MGA: variants seen among roughly 807,000 people sequenced by gnomAD.
MGA encodes the protein MAX dimerization protein MGA, also known as MAX gene-associated protein.
Under a neutral mutation model 261.1 loss-of-function variants are expected in MGA, and 40 were observed. That is an observed-to-expected ratio of 0.15 (90% CI 0.12 to 0.20). The LOEUF is 0.20. MGA is among the 10% of genes least tolerant of loss of function. MGA has a pLI of 1.00. For synonymous variants in MGA, 1,302 were observed against 1,290.6 expected, an observed-to-expected ratio of 1.01 and a Z score of -0.19; for missense variants, 3,397 against 3,630.5, an observed-to-expected ratio of 0.94 and a Z score of 1.65.
chr15:41,624,985 A>G (rs1325534681), intron 1 of MGA, among the ~76,000 whole-genome samples: 1 of 152,050 alleles, frequency 6.6e-6, no homozygotes, highest in Non-Finnish European at 1.5e-5. Context: ...GTACAAAAAA[A>G]TTTCAGAATT....
chr15:41,762,914 G>C (rs1478736923), intron 22 of MGA, among the ~76,000 whole-genome samples: 2 of 152,050 alleles, frequency 1.3e-5, no homozygotes, highest in Non-Finnish European at 2.9e-5. Context: ...TTAGTCTATA[G>C]TCATGTATTT....
chr15:41,672,071 T>C (rs2058091843), intron 2 of MGA, among the ~76,000 whole-genome samples: 1 of 152,258 alleles, frequency 6.6e-6, no homozygotes, highest in Non-Finnish European at 1.5e-5. Flanking sequence ...AACAGTTTAT[T>C]GTACCGTTGG....
At chr15:41,733,909 A>G (rs892012406) in intron 11 of MGA, among the ~76,000 whole-genome samples, 1 of 96,614 alleles carries the variant, frequency 1.0e-5, no homozygotes, top group East Asian at 3.6e-4. Context: ...ACATTGGCAA[A>G]TTTTGTTTCT....
rs768844364 is a variant in MGA, at chr15:41,750,364, T to G, written c.6757T>G (p.Phe2253Val). The G allele has an allele frequency of 6.2e-7, 1 of 1,613,982 alleles. No individual in the cohort carries two copies. The highest frequency in any genetic ancestry group is 1.3e-5 in the African/African-American group (1 of 75,056). ...GAGTAGGATTTCTAATCCTTCAGCC[T>G]TCTCCATTGTTCCTAGGAGAGCTGC... Residue 2253 changes from phenylalanine (F) to valine (V), a missense_variant, in exon 17 of 24, where the codon TTC (phenylalanine) becomes GTC (valine). This residue lies in a region of MGA where 1,410 missense variants were observed against 1,386.4 expected (regional missense o/e 1.02). Transcript: ENST00000219905.
In MGA at chr15:41,669,325, C is replaced by T; in HGVS notation, c.431C>T (p.Pro144Leu). Residue 144 changes from proline (P) to leucine (L), a missense_variant, in exon 2 of 24, where the codon CCT becomes CTT. Physicochemically the swap from Pro to Leu is moderately conservative, Grantham distance 98. Transcript: ENST00000219905. Reference sequence around the variant, plus strand: ...AAGTGGAATGGTCGTTGGTGGGAACCTAGTGGGAAGGCTGAACCTCATGTT... The same window carrying T: ...AAGTGGAATGGTCGTTGGTGGGAACTTAGTGGGAAGGCTGAACCTCATGTT... 1 of 1,613,932 alleles carries T rather than the reference C, an allele frequency of 6.2e-7. No homozygotes were observed. The highest frequency in any genetic ancestry group is 1.1e-5 in the South Asian group (1 of 91,078).
chr15:41,666,060 A>ATTTT (rs11428325), intron 1 of MGA, among the ~76,000 whole-genome samples: 2 of 138,836 alleles, frequency 1.4e-5, no homozygotes, highest in Admixed American at 7.2e-5. Context: ...CATACCTGCT[A>ATTTT]TTTTTTTTTT....
At chr15:41,644,294 A>G (rs2038453089) in intron 1 of MGA, among the ~76,000 whole-genome samples, 1 of 139,088 alleles carries the variant, frequency 7.2e-6, no homozygotes, top group African/African-American at 2.7e-5. Context: ...GGATTGCTTG[A>G]GGTCAGTAGT....
chr15:41,759,007 G>T (rs2063300470), intron 19 of MGA, among the ~76,000 whole-genome samples: 1 of 152,170 alleles, frequency 6.6e-6, no homozygotes, highest in Non-Finnish European at 1.5e-5. Flanking sequence ...TCTTGAAAAT[G>T]TGAGAATACA....
Position 41,708,219 on chromosome 15 carries a change from T to C in MGA, c.2425+11T>C. On this transcript the variant is annotated intron_variant, in intron 7 of 23. Coordinates refer to ENST00000219905, the MANE Select transcript of MGA (RefSeq NM_001164273.2). Reference sequence around the variant, plus strand: ...CATCTAGGAATGAAGGTAATTAGTTTTTTAAAATTTTTTAAATGTTCTGAA... The same window carrying C: ...CATCTAGGAATGAAGGTAATTAGTTCTTTAAAATTTTTTAAATGTTCTGAA... 5 of 1,492,620 alleles carry C rather than the reference T, an allele frequency of 3.3e-6. No homozygotes were observed. The highest frequency in any genetic ancestry group is 4.5e-6 in the Non-Finnish European group (5 of 1,100,682). 92.5% of individuals were successfully genotyped at this position (1,492,620 alleles called of 1,614,324 possible). A position where few individuals can be genotyped will look rare whatever the true frequency, so the allele number is the denominator to read the frequency against.
chr15:41,763,411 A>G (rs1003382478), intron 22 of MGA, among the ~76,000 whole-genome samples: 1 of 150,880 alleles, frequency 6.6e-6, no homozygotes, highest in African/African-American at 2.4e-5. Context: ...ATCAGGCTCT[A>G]TTTTTCATCA....
Position 41,700,069 on chromosome 15 carries a change from C to T in MGA, c.2188+910C>T, listed in dbSNP as rs563749182. Among the ~76,000 whole-genome samples, 100 of 99,426 alleles carry T rather than the reference C, an allele frequency of 1.0e-3. 1 individual carries two copies. Among genetic ancestry groups the T allele is most frequent in the Non-Finnish European group, 1.6e-3 (85 of 51,970 alleles). 65.2% of individuals were successfully genotyped at this position (99,426 alleles called of 152,430 possible). ...TTTTTTTTTTTTTTTTTTTTTGATG[C>T]GCAGTCTCGCTCTCGCCCAGGCTGG... is the stretch of plus-strand genomic sequence containing the variant. On this transcript the variant is annotated intron_variant, in intron 5 of 23. Coordinates refer to ENST00000219905, the MANE Select transcript of MGA (RefSeq NM_001164273.2).
chr15:41,684,289 C>T (rs996401321), intron 2 of MGA: 19 of 377,084 alleles, frequency 5.0e-5, no homozygotes, highest in South Asian at 8.0e-5. Flanking sequence ...GGCTGGTGTT[C>T]GTCACACATT....
At chr15:41,730,838 C>G (rs1372356069) in intron 11 of MGA, among the ~76,000 whole-genome samples, 3 of 152,154 alleles carry the variant, frequency 2.0e-5, no homozygotes, top group Non-Finnish European at 2.9e-5. Flanking sequence ...CCAATAGTTG[C>G]AGCAATTCGA....
At chr15:41,690,146 T>A (rs957717410) in intron 2 of MGA, among the ~76,000 whole-genome samples, 5 of 152,334 alleles carry the variant, frequency 3.3e-5, no homozygotes, top group African/African-American at 1.2e-4. Flanking sequence ...TCTCTGTCTC[T>A]GTAGATTTGC....
intron 9 of MGA, 21 bp from the exon 10 acceptor site, chr15:41,727,158 CT>C: frequency 6.3e-7 from 1 of 1,591,340 alleles, no homozygotes; most frequent in Non-Finnish European, 8.6e-7. Context: ...TACCTAAAAC[CT>C]TACCCTTCTT....
chr15:41,765,913 C>T (rs1233106028), intron 23 of MGA, 91 bp from the exon 24 acceptor site: 1 of 1,067,028 alleles, frequency 9.4e-7, no homozygotes, highest in Middle Eastern at 3.2e-4. Flanking sequence ...ACTACAAATC[C>T]CTAAGATGGT....
intron 9 of MGA, among the ~76,000 whole-genome samples, chr15:41,718,061 G>C (rs2060733064): frequency 6.6e-6 from 1 of 150,964 alleles, no homozygotes; most frequent in Non-Finnish European, 1.5e-5. Context: ...GACATCATAT[G>C]TTGTAATTAG....
intron 11 of MGA, among the ~76,000 whole-genome samples, chr15:41,730,698 A>T (rs2151727352): frequency 6.6e-6 from 1 of 152,322 alleles, no homozygotes; most frequent in Middle Eastern, 3.4e-3. Context: ...TAAAGACAAA[A>T]TATGTCTTCC....
chr15:41,737,721 C>CTG (rs1413288280), intron 13 of MGA, among the ~76,000 whole-genome samples: 2 of 152,128 alleles, frequency 1.3e-5, no homozygotes, highest in Admixed American at 1.3e-4. Flanking sequence ...TGGCTTACGC[C>CTG]TGTAATCCCA....
Sources: allele counts gnomAD v4.1 joint callset (sites outside exome capture counted in the v4.1 genomes callset), GRCh38; gene constraint gnomAD v4.1.1; regional missense constraint gnomAD v4.1.1; transcripts MANE v1.5; gene names NCBI Gene and HGNC (gene_info 2026-07-23, HGNC 2026-07-21).